KCNU1: variants seen among roughly 807,000 people sequenced by gnomAD.
KCNU1 encodes potassium calcium-activated channel subfamily U member 1, also known as potassium channel subfamily U member 1.
In KCNU1, 93 loss-of-function variants were observed where a neutral mutation model predicts 126.8. The observed-to-expected ratio is 0.73, with a 90% CI of 0.62 to 0.87. The LOEUF (loss-of-function observed/expected upper bound fraction) is 0.87. Ranked by LOEUF, KCNU1 falls within the 40% of genes least tolerant of loss-of-function variation. The pLI is 0.00. For synonymous variants in KCNU1, 523 were observed against 494.2 expected (o/e 1.06, Z -0.77); for missense variants, 1,330 against 1,367.1 (o/e 0.97, Z 0.43).
chr8:36,856,933 G>T lies in KCNU1; in HGVS notation c.1892-7471G>T, dbSNP rs113856684. Among the ~76,000 whole-genome samples the T allele has an allele frequency of 1.1e-4, 17 of 152,326 alleles. 4 individuals carry two copies. Among genetic ancestry groups the T allele is most frequent in the African/African-American group, 4.1e-4 (17 of 41,584 alleles). On this transcript the variant is annotated intron_variant, in intron 18 of 26. Transcript: ENST00000399881. Reference sequence around the variant, plus strand: ...CCACCAAAATCACTGTTGTCAAAAAGCACCCTTGGGCTTGAAATTCTTGAT... The same window carrying T: ...CCACCAAAATCACTGTTGTCAAAAATCACCCTTGGGCTTGAAATTCTTGAT...
At chr8:36,844,246 G>T (rs1805059648) in intron 16 of KCNU1, among the ~76,000 whole-genome samples, 1 of 152,028 alleles carries the variant, frequency 6.6e-6, no homozygotes, top group South Asian at 2.1e-4. Context: ...TATGCATGGT[G>T]GTGCACACCT....
intron 10 of KCNU1, among the ~76,000 whole-genome samples, chr8:36,819,475 C>T (rs1415685166): frequency 6.6e-6 from 1 of 152,102 alleles, no homozygotes; most frequent in Admixed American, 6.6e-5. Context: ...TTCATCAATA[C>T]CATTAATTTT....
At chr8:36,852,812 T>C (rs754650259) in intron 18 of KCNU1, among the ~76,000 whole-genome samples, 12 of 152,134 alleles carry the variant, frequency 7.9e-5, no homozygotes, top group Non-Finnish European at 1.5e-4. Flanking sequence ...TTCTTTCTTT[T>C]TTGCAGCTAA....
rs921162241 is a variant in KCNU1, at chr8:36,787,340, A to G, written c.230A>G (p.His77Arg). 1.2e-6 allele frequency: 2 copies of G among 1,611,934 alleles called. No homozygotes were observed. Among genetic ancestry groups the G allele is most frequent in the Non-Finnish European group, 8.5e-7 (1 of 1,178,666 alleles). Residue 77 changes from histidine (H) to arginine (R), a missense_variant, in exon 2 of 27, where the codon CAT becomes CGT. By Grantham distance (29) the His-to-Arg change is conservative. Transcript: ENST00000399881. ...ACATCAGGTACCATCGCTAGGAGCC[A>G]TGTAAGAAGCCTCCACTTCCAGGGA... ...LFTSGTIARS[H>R]VRSLHFQGQF...
At chr8:36,867,120 A>C in intron 19 of KCNU1, among the ~76,000 whole-genome samples, 1 of 152,136 alleles carries the variant, frequency 6.6e-6, no homozygotes, top group East Asian at 1.9e-4. Flanking sequence ...ATAAACACAT[A>C]ATAAAAGCCA....
chr8:36,895,767 A>C (rs1563321535), intron 19 of KCNU1, among the ~76,000 whole-genome samples: 1 of 152,272 alleles, frequency 6.6e-6, no homozygotes, highest in Admixed American at 6.5e-5. Context: ...TCTATATTTC[A>C]AAGTTTACTT....
At chr8:36,808,870 C>A in intron 7 of KCNU1, 77 bp downstream of exon 7, 1 of 988,570 alleles carries the variant, frequency 1.0e-6, no homozygotes, top group Non-Finnish European at 1.6e-6. Flanking sequence ...AGGGAACCTG[C>A]TGAGCCCCTG....
At chr8:36,864,350 A>G (rs941322952) in intron 18 of KCNU1, 54 bp from the exon 19 acceptor site, 6 of 1,113,260 alleles carry the variant, frequency 5.4e-6, no homozygotes, top group East Asian at 2.4e-5. Flanking sequence ...GAATATTCCA[A>G]CAATCCCTTG....
chr8:36,840,429 G>C, intron 14 of KCNU1, 34 bp from the exon 15 acceptor site: 1 of 1,018,552 alleles, frequency 9.8e-7, no homozygotes, highest in Non-Finnish European at 1.5e-6. Flanking sequence ...ATTCCTTGTC[G>C]TTTTGCTTCG....
intron 22 of KCNU1, among the ~76,000 whole-genome samples, chr8:36,913,347 G>T (rs1431530113): frequency 6.6e-6 from 1 of 152,054 alleles, no homozygotes; most frequent in Admixed American, 6.6e-5. Flanking sequence ...GAAAAGGAAG[G>T]AATGTCAAAA....
intron 12 of KCNU1, among the ~76,000 whole-genome samples, chr8:36,835,674 T>C (rs556821148): frequency 6.6e-6 from 1 of 152,194 alleles, no homozygotes; most frequent in Non-Finnish European, 1.5e-5. Flanking sequence ...ATGGCTAGAG[T>C]CAGTGTTATT....
chr8:36,830,891 G>T (rs376856671), intron 10 of KCNU1, among the ~76,000 whole-genome samples: 1 of 146,152 alleles, frequency 6.8e-6, no homozygotes, highest in Non-Finnish European at 1.5e-5. Context: ...TATATCTCCC[G>T]ATGCTATCCC....
chr8:36,784,721 TCTATAGCCTGGTGCCTCA>T, intron 1 of KCNU1, 116 bp downstream of exon 1: 1 of 815,090 alleles, frequency 1.2e-6, no homozygotes, highest in Non-Finnish European at 1.9e-6. Context: ...AGAGTCAGCT[TCTATAGCCTGGTGCCTCA>T]GAAAGGGTGG....
At chr8:36,891,919 T>C (rs948484320) in intron 19 of KCNU1, among the ~76,000 whole-genome samples, 1 of 152,118 alleles carries the variant, frequency 6.6e-6, no homozygotes, top group African/African-American at 2.4e-5. Flanking sequence ...ACAATTTGAT[T>C]ATGGTATATC....
At chr8:36,872,198 A>G (rs2211726) in intron 19 of KCNU1, among the ~76,000 whole-genome samples, 53,553 of 152,014 alleles carry the variant, frequency 0.35, 10,036 homozygotes, top group Admixed American at 0.42. Context: ...GAAGAATAAA[A>G]TATTAACCCT....
chr8:36,931,133 A>T lies in KCNU1; in HGVS notation c.2919A>T (p.Leu973Phe), dbSNP rs571446352. ...TTCTGTCCTTACACGAAACCATTTT[A>T]TCAGACGTTAATGTGAGTCTACTCT... ...LGLLSLHETILSDVNPRNTFG... is the reference protein window; with the variant it reads ...LGLLSLHETIFSDVNPRNTFG... Residue 973 changes from leucine to phenylalanine, a missense_variant, in exon 25 of 27, where the codon TTA becomes TTT. By Grantham distance (22) the Leu-to-Phe change is conservative. This residue lies in a region of KCNU1 where 1,054 missense variants were observed against 1,053.9 expected (regional missense o/e 1.00). Coordinates refer to ENST00000399881, the MANE Select transcript of KCNU1 (RefSeq NM_001031836.3). 3 of 1,606,264 alleles carry T rather than the reference A, an allele frequency of 1.9e-6. No homozygotes were observed. The highest frequency in any genetic ancestry group is 2.2e-5 in the South Asian group (2 of 89,424).
chr8:36,829,587 T>C (rs1383888557), intron 10 of KCNU1, among the ~76,000 whole-genome samples: 1 of 151,320 alleles, frequency 6.6e-6, no homozygotes, highest in Non-Finnish European at 1.5e-5. Context: ...TTTTTATAGT[T>C]GACAAGCTTT....
chr8:36,851,038 T>G (rs1805324349), intron 18 of KCNU1, among the ~76,000 whole-genome samples: 1 of 152,232 alleles, frequency 6.6e-6, no homozygotes, highest in African/African-American at 2.4e-5. Flanking sequence ...TGTTATTCTT[T>G]TTCAATATTA....
chr8:36,821,379 C>T (rs538800902), intron 10 of KCNU1, among the ~76,000 whole-genome samples: 1 of 152,300 alleles, frequency 6.6e-6, no homozygotes, highest in Non-Finnish European at 1.5e-5. Flanking sequence ...ATGGGGCTTG[C>T]CTGTTGCAAT....
Sources: allele counts gnomAD v4.1 joint callset (sites outside exome capture counted in the v4.1 genomes callset), GRCh38; gene constraint gnomAD v4.1.1; regional missense constraint gnomAD v4.1.1; transcripts MANE v1.5; gene names NCBI Gene and HGNC (gene_info 2026-07-23, HGNC 2026-07-21).